AMPD3: variants seen among roughly 807,000 people sequenced by gnomAD.
AMPD3 encodes adenosine monophosphate deaminase 3.
Under a neutral mutation model 82.3 loss-of-function variants are expected in AMPD3, and 57 were observed. The observed-to-expected ratio is 0.69, with a 90% CI of 0.56 to 0.86. The LOEUF is 0.86. Ranked by LOEUF, AMPD3 falls within the 40% of genes least tolerant of loss-of-function variation. The probability of loss-of-function intolerance (pLI) is 0.00; values close to 1 mark genes in which losing one functional copy is unlikely to be tolerated. For missense variants in AMPD3, 870 were observed against 1,003.8 expected, an observed-to-expected ratio of 0.87 and a Z score of 1.80; for synonymous variants, 381 against 394.7, an observed-to-expected ratio of 0.97 and a Z score of 0.41.
rs571427952 is a variant in AMPD3, at chr11:10,456,977, C to CTT, written c.-6+1546_-6+1547dup. Among the ~76,000 whole-genome samples the CTT allele has an allele frequency of 0.037, 4,787 of 129,148 alleles. 148 individuals carry two copies. Among genetic ancestry groups the CTT allele is most frequent in the African/African-American group, 0.066 (2,228 of 33,826 alleles). The allele number at this position is 129,148 out of a possible 152,430, so 84.7% of individuals were successfully genotyped here. On this transcript the variant is annotated intron_variant, in intron 1 of 14. Transcript: ENST00000396553. This position sits in a 1 kb window ranked among gnomAD's most constrained non-coding sequence, Gnocchi z 4.3. Reference sequence around the variant, plus strand: ...TTGTTGTGGTTGCTGTTGTTTCTTGCTTTTTTTTTTTTTTTTTTGAGAGAA... The same window carrying CTT: ...TTGTTGTGGTTGCTGTTGTTTCTTGCTTTTTTTTTTTTTTTTTTTTGAGAGAA...
At chr11:10,468,066 C>A (rs762212792) in intron 2 of AMPD3, among the ~76,000 whole-genome samples, 1 of 152,166 alleles carries the variant, frequency 6.6e-6, no homozygotes, top group Non-Finnish European at 1.5e-5. Context: ...CAAAAACATA[C>A]CAAATTGTAA....
chr11:10,491,482 C>A (rs746131126), intron 6 of AMPD3, among the ~76,000 whole-genome samples: 5 of 152,192 alleles, frequency 3.3e-5, no homozygotes, highest in Non-Finnish European at 5.9e-5. Flanking sequence ...AGAATCCCTT[C>A]TAGCTTCTGT....
chr11:10,451,434 G>A (rs1847960614), upstream of AMPD3, among the ~76,000 whole-genome samples: 1 of 152,252 alleles, frequency 6.6e-6, no homozygotes. Context: ...GGATGCACTG[G>A]ATGATAGGGT....
chr11:10,469,258 CAA>C (rs1486774342), intron 2 of AMPD3, among the ~76,000 whole-genome samples: 2 of 150,320 alleles, frequency 1.3e-5, no homozygotes, highest in Admixed American at 1.3e-4. Flanking sequence ...GCAAGACTAA[CAA>C]AGAGAAAAAG....
At chr11:10,496,217 C>T in intron 9 of AMPD3, 2 of 985,384 alleles carry the variant, frequency 2.0e-6, no homozygotes, top group Non-Finnish European at 2.4e-6. Flanking sequence ...ATCCAGCTGA[C>T]ACTAGAACTC....
chr11:10,478,476 C>A, intron 2 of AMPD3, 50 bp from the exon 3 acceptor site: 1 of 1,607,526 alleles, frequency 6.2e-7, no homozygotes, highest in East Asian at 2.2e-5. Flanking sequence ...TTATCACTCA[C>A]CCCAATTAGC....
chr11:10,485,748 A>G (rs1307563147), intron 5 of AMPD3, among the ~76,000 whole-genome samples: 2 of 138,412 alleles, frequency 1.4e-5, no homozygotes, highest in African/African-American at 5.0e-5. Context: ...GGGAGCATGC[A>G]GGGAGCCTGG....
chr11:10,473,990 G>A (rs912137321), intron 2 of AMPD3, among the ~76,000 whole-genome samples: 1 of 152,130 alleles, frequency 6.6e-6, no homozygotes, highest in African/African-American at 2.4e-5. Flanking sequence ...TGGGGGAGGA[G>A]TTCAAACCAG....
intron 2 of AMPD3, among the ~76,000 whole-genome samples, chr11:10,477,567 G>A (rs971331190): frequency 1.3e-5 from 2 of 152,176 alleles, no homozygotes; most frequent in Admixed American, 1.3e-4. Flanking sequence ...TGGGCTTGTG[G>A]CATTTTAAAC....
At chr11:10,478,804 C>A in intron 3 of AMPD3, 74 bp downstream of exon 3, 1 of 1,499,494 alleles carries the variant, frequency 6.7e-7, no homozygotes, top group Non-Finnish European at 9.1e-7. Context: ...CAGGGTCGTG[C>A]CTCCCTCTGG....
intron 2 of AMPD3, among the ~76,000 whole-genome samples, chr11:10,475,609 A>G (rs1848715923): frequency 6.6e-6 from 1 of 152,138 alleles, no homozygotes; most frequent in African/African-American, 2.4e-5. Flanking sequence ...CACTCCTGTG[A>G]TGATGTTATG....
rs1206057879 is a variant in AMPD3, at chr11:10,501,093, G to A, written c.1722-377G>A. The A allele has an allele frequency of 1.2e-5, 12 of 985,370 alleles. No homozygotes were observed. In the Admixed American group the frequency reaches 3.1e-4, roughly 25 times the overall value. The allele number at this position is 985,370 out of a possible 1,614,324, so 61.0% of individuals were successfully genotyped here. On this transcript the variant is annotated intron_variant, in intron 11 of 14. Transcript: ENST00000396553. ...GCATGGAACATAGACTTCACTCTCCGGGCCTTGGTTTGCCCATTTCCATAA... is the reference window on the plus strand; with the variant it reads ...GCATGGAACATAGACTTCACTCTCCAGGCCTTGGTTTGCCCATTTCCATAA...
intron 7 of AMPD3, 31 bp from the exon 8 acceptor site, chr11:10,494,868 A>G (rs771432446): frequency 6.2e-7 from 1 of 1,605,842 alleles, no homozygotes; most frequent in Admixed American, 1.7e-5. Flanking sequence ...CTGCAGAACG[A>G]TGCGTTGATT....
chr11:10,501,665 G>A (rs1849586378), intron 12 of AMPD3, 75 bp downstream of exon 12: 2 of 1,612,294 alleles, frequency 1.2e-6, no homozygotes, highest in Admixed American at 1.7e-5. Context: ...CAACCAGTGA[G>A]GCCAGAAGGC....
At chr11:10,496,277 C>A in intron 9 of AMPD3, 1 of 985,338 alleles carries the variant, frequency 1.0e-6, no homozygotes, top group Non-Finnish European at 1.2e-6. Flanking sequence ...GAACTACTAC[C>A]CCCGCCTTCT....
chr11:10,505,363 C>T (rs1468526369), intron 14 of AMPD3: 2 of 876,502 alleles, frequency 2.3e-6, no homozygotes, highest in Non-Finnish European at 2.6e-6. Context: ...GAACATTGTC[C>T]TTGTCAGCTC....
Position 10,470,039 on chromosome 11 carries a change from CAA to C in AMPD3, c.221+8316_221+8317del, listed in dbSNP as rs58806706. Among the ~76,000 whole-genome samples the C allele has an allele frequency of 2.4e-3, 244 of 101,764 alleles. 1 individual carries two copies. The highest frequency in any genetic ancestry group is 5.4e-3 in the Middle Eastern group (1 of 186). 66.8% of individuals were successfully genotyped at this position (101,764 alleles called of 152,430 possible). On this transcript the variant is annotated intron_variant, in intron 2 of 14. Coordinates refer to ENST00000396553, the MANE Select transcript of AMPD3 (RefSeq NM_001025389.2). ...TGGGCGACAGAGCGAGACTCCGTCTCAAAAAAAAAAAAAAAAAAGTCCTCAAT... is the reference window on the plus strand; with the variant it reads ...TGGGCGACAGAGCGAGACTCCGTCTCAAAAAAAAAAAAAAAAGTCCTCAAT...
At chr11:10,474,055 C>G (rs1049142024) in intron 2 of AMPD3, among the ~76,000 whole-genome samples, 1 of 152,138 alleles carries the variant, frequency 6.6e-6, no homozygotes, top group Non-Finnish European at 1.5e-5. Context: ...TGCTCCCACC[C>G]CTAGTCTGGA....
chr11:10,477,023 T>G, intron 2 of AMPD3: 3 of 985,398 alleles, frequency 3.0e-6, no homozygotes, highest in Non-Finnish European at 3.6e-6. Context: ...TAACACAGGG[T>G]AGGCAGGTGA....
Sources: allele counts gnomAD v4.1 joint callset (sites outside exome capture counted in the v4.1 genomes callset), GRCh38; gene constraint gnomAD v4.1.1; non-coding constraint Gnocchi (gnomAD v3.1); transcripts MANE v1.5; gene names NCBI Gene and HGNC (gene_info 2026-07-23, HGNC 2026-07-21).